ATPSCKMT: variants seen among roughly 807,000 people sequenced by gnomAD.
The protein encoded by ATPSCKMT is ATP synthase subunit C lysine N-methyltransferase.
ATPSCKMT carries 24 observed loss-of-function variants against 24.3 expected under a neutral mutation model. That is an observed-to-expected ratio of 0.99 (90% CI 0.71 to 1.39). The LOEUF is 1.39. Among genes scored for constraint, ATPSCKMT ranks in the 40% most tolerant of loss-of-function variants. ATPSCKMT has a pLI of 0.00. For synonymous variants in ATPSCKMT, 95 were observed against 110.5 expected, an observed-to-expected ratio of 0.86 and a Z score of 0.88; for missense variants, 311 against 298.4, an observed-to-expected ratio of 1.04 and a Z score of -0.31.
Position 10,239,111 on chromosome 5 carries a change from G to C in ATPSCKMT, c.262C>G (p.Arg88Gly). 1 of 1,614,122 alleles carries C rather than the reference G, an allele frequency of 6.2e-7. No homozygotes were observed. Residue 88 changes from arginine (R) to glycine (G), a missense_variant, in exon 2 of 5, where the codon CGA becomes GGA. Coordinates refer to ENST00000511437, the MANE Select transcript of ATPSCKMT (RefSeq NM_199133.4). ...IENVVKMLRCRRGSLVDIGSG... is the reference protein window; with the variant it reads ...IENVVKMLRCGRGSLVDIGSG... ...CCGATGTCCACAAGGGATCCTCTTC[G>C]GCATCGCAACATTTTCACAACATTT...
intron 1 of ATPSCKMT, among the ~76,000 whole-genome samples, chr5:10,243,148 T>G (rs1325198455): frequency 2.0e-5 from 3 of 152,228 alleles, no homozygotes; most frequent in Non-Finnish European, 4.4e-5. Flanking sequence ...AAACCAGGCA[T>G]TGATTTCTCT....
At chr5:10,248,917 A>G (rs981819910) in intron 1 of ATPSCKMT, among the ~76,000 whole-genome samples, 1 of 152,200 alleles carries the variant, frequency 6.6e-6, no homozygotes, top group African/African-American at 2.4e-5. Flanking sequence ...AAGGCAGCAT[A>G]AGAGATTTAG....
intron 3 of ATPSCKMT, 76 bp from the exon 4 acceptor site, chr5:10,235,337 T>G (rs1003061183): frequency 3.9e-6 from 5 of 1,296,576 alleles, no homozygotes; most frequent in Non-Finnish European, 5.5e-6. Context: ...TTTACAGAAA[T>G]GGGTAGCAGT....
intron 1 of ATPSCKMT, among the ~76,000 whole-genome samples, chr5:10,245,352 G>A (rs1309993109): frequency 2.0e-5 from 3 of 152,120 alleles, no homozygotes; most frequent in East Asian, 1.9e-4. Context: ...CCTGGAAGGC[G>A]GAGTTTGCAG....
intron 1 of ATPSCKMT, among the ~76,000 whole-genome samples, chr5:10,247,564 C>T (rs999491412): frequency 5.3e-5 from 8 of 152,184 alleles, no homozygotes; most frequent in African/African-American, 1.9e-4. Context: ...AGGCTGGTCT[C>T]AAACTCCTGG....
chr5:10,242,744 T>G (rs1369206056), intron 1 of ATPSCKMT, among the ~76,000 whole-genome samples: 1 of 152,204 alleles, frequency 6.6e-6, no homozygotes, highest in Non-Finnish European at 1.5e-5. Context: ...ATAACAAGAC[T>G]TAAAAGTCAA....
chr5:10,249,616 G>C, intron 1 of ATPSCKMT: 1 of 524,688 alleles, frequency 1.9e-6, no homozygotes, highest in Non-Finnish European at 3.2e-6. Flanking sequence ...TGAGTCACTT[G>C]CACTAAGTAG....
At chr5:10,243,007 G>A (rs1474636278) in intron 1 of ATPSCKMT, among the ~76,000 whole-genome samples, 2 of 152,206 alleles carry the variant, frequency 1.3e-5, no homozygotes, top group Non-Finnish European at 2.9e-5. Context: ...ATACAGCAAG[G>A]CAGAGTAGAT....
chr5:10,246,018 T>G (rs1744904919), intron 1 of ATPSCKMT, among the ~76,000 whole-genome samples: 1 of 152,196 alleles, frequency 6.6e-6, no homozygotes, highest in Non-Finnish European at 1.5e-5. Flanking sequence ...CTACAGTCAA[T>G]TTTTGAACAT....
chr5:10,230,325 AAT>A (rs1482307661), intron 4 of ATPSCKMT, among the ~76,000 whole-genome samples: 1 of 152,230 alleles, frequency 6.6e-6, no homozygotes, highest in Admixed American at 6.5e-5. Flanking sequence ...AGAATGAAAC[AAT>A]ATGTGTTTTT....
intron 1 of ATPSCKMT, among the ~76,000 whole-genome samples, chr5:10,247,331 A>G (rs978850300): frequency 6.6e-6 from 1 of 152,216 alleles, no homozygotes; most frequent in Non-Finnish European, 1.5e-5. Flanking sequence ...TGTTAGCTCC[A>G]TTCAGGAAAA....
chr5:10,228,951 C>A (rs1289731607), intron 4 of ATPSCKMT, among the ~76,000 whole-genome samples: 30 of 152,176 alleles, frequency 2.0e-4, no homozygotes, highest in Non-Finnish European at 1.5e-5. Context: ...CGATTTTCAA[C>A]ATTTTGTCAC....
Position 10,239,106 on chromosome 5 carries a change from T to C in ATPSCKMT, c.267A>G (p.Arg89=). Residue 89 remains arginine, a synonymous_variant, in exon 2 of 5, where the codon AGA becomes AGG. Coordinates refer to ENST00000511437, the MANE Select transcript of ATPSCKMT (RefSeq NM_199133.4). ...ENVVKMLRCR[R]GSLVDIGSGD... ...CACTACCGATGTCCACAAGGGATCC[T>C]CTTCGGCATCGCAACATTTTCACAA... 6.2e-7 allele frequency: 1 copy of C among 1,614,234 alleles called. No homozygotes were observed. Among genetic ancestry groups the C allele is most frequent in the South Asian group, 1.1e-5 (1 of 91,092 alleles).
chr5:10,239,356 C>T lies in ATPSCKMT; in HGVS notation c.17G>A (p.Gly6Asp). The change falls in exon 2 of 5, where the codon GGT becomes GAT. Residue 6 changes from glycine to aspartate, a missense_variant and splice_region_variant. Physicochemically the swap from Gly to Asp is moderately conservative, Grantham distance 94. Transcript: ENST00000511437. ...TTCTTTAAGTGTTTCTAGGGGTATA[C>T]CTAGATTGAAAGCAAGCAGAAGAGA... MEGGGGIPLETLKEES... is the reference protein window; with the variant it reads MEGGGDIPLETLKEES... 6.2e-7 allele frequency: 1 copy of T among 1,604,914 alleles called. No individual in the cohort carries two copies. The highest frequency in any genetic ancestry group is 8.5e-7 in the Non-Finnish European group (1 of 1,174,374).
At chr5:10,232,172 G>A (rs1026530890) in intron 4 of ATPSCKMT, among the ~76,000 whole-genome samples, 4 of 151,978 alleles carry the variant, frequency 2.6e-5, no homozygotes, top group African/African-American at 9.7e-5. Flanking sequence ...CTACTGCACT[G>A]CAGTCTGGGC....
intron 2 of ATPSCKMT, chr5:10,237,122 G>T: frequency 1.1e-6 from 1 of 938,234 alleles, no homozygotes; most frequent in Non-Finnish European, 1.5e-6. Flanking sequence ...ACAGGTAAAA[G>T]TAAAATGAAA....
intron 1 of ATPSCKMT, among the ~76,000 whole-genome samples, chr5:10,245,616 G>A (rs765335135): frequency 7.9e-5 from 12 of 151,856 alleles, no homozygotes; most frequent in Non-Finnish European, 1.5e-4. Context: ...GCCTGGTGGT[G>A]TGCATCTGTG....
rs2126408515 is a variant in ATPSCKMT, at chr5:10,226,007, GGA to G, written c.*1432_*1433del. Among the ~76,000 whole-genome samples the G allele has an allele frequency of 6.6e-6, 1 of 152,268 alleles. No individual in the cohort carries two copies. Among genetic ancestry groups the G allele is most frequent in the African/African-American group, 2.4e-5 (1 of 41,542 alleles). ...AGAACTCATTCTTCATAAGAAGACT[GGA>G]GCTACTGAAAAAGGGACAGACACTA... On this transcript the variant is annotated 3_prime_UTR_variant, in exon 5 of 5. Transcript: ENST00000511437.
chr5:10,227,428 C>T lies in ATPSCKMT; in HGVS notation c.*13G>A. On this transcript the variant is annotated 3_prime_UTR_variant, in exon 5 of 5. Transcript: ENST00000511437. ...AAGACTACAATATTTCAGAAAAACACTCCCAGTCAAGTTTATGCTTGAATG... is the reference window on the plus strand; with the variant it reads ...AAGACTACAATATTTCAGAAAAACATTCCCAGTCAAGTTTATGCTTGAATG... The T allele has an allele frequency of 6.2e-7, 1 of 1,613,066 alleles. No homozygotes were observed. The highest frequency in any genetic ancestry group is 8.5e-7 in the Non-Finnish European group (1 of 1,179,592).
Sources: allele counts gnomAD v4.1 joint callset (sites outside exome capture counted in the v4.1 genomes callset), GRCh38; gene constraint gnomAD v4.1.1; transcripts MANE v1.5; gene names NCBI Gene and HGNC (gene_info 2026-07-23, HGNC 2026-07-21).